RHOBTB2: variants seen among roughly 807,000 people sequenced by gnomAD.
RHOBTB2 encodes Rho related BTB domain containing 2, also known as rho-related BTB domain-containing protein 2.
In RHOBTB2, 39 loss-of-function variants were observed where a neutral mutation model predicts 66.5. That is an observed-to-expected ratio of 0.59 (90% CI 0.45 to 0.77). RHOBTB2 has a LOEUF of 0.77. Among genes scored for constraint, RHOBTB2 ranks in the 30% least tolerant of loss-of-function variants. RHOBTB2 has a pLI of 0.00. For missense variants in RHOBTB2, 755 were observed against 999.1 expected (o/e 0.76, Z 3.29); for synonymous variants, 390 against 395.0 (o/e 0.99, Z 0.15).
the RHOBTB2 span, among the ~76,000 whole-genome samples, chr8:22,953,239 T>C: frequency 2.0e-5 from 3 of 152,218 alleles, no homozygotes; most frequent in Non-Finnish European, 4.4e-5. Context: ...TTTTGCCCCA[T>C]GGTGCGCATG....
chr8:23,011,040 G>A (rs1468194047), intron 7 of RHOBTB2, among the ~76,000 whole-genome samples: 1 of 152,210 alleles, frequency 6.6e-6, no homozygotes, highest in Non-Finnish European at 1.5e-5. Context: ...GACCAGCCTA[G>A]CCAACATGGT....
upstream of RHOBTB2, chr8:22,995,835 C>T: frequency 6.4e-7 from 1 of 1,551,460 alleles, no homozygotes; most frequent in South Asian, 1.2e-5. Context: ...ATGGGGTGGG[C>T]TCCGCAGAGG....
upstream of RHOBTB2, chr8:22,994,712 T>G: frequency 8.1e-7 from 1 of 1,231,716 alleles, no homozygotes; most frequent in Non-Finnish European, 1.2e-6. Context: ...ATTAAGCAAC[T>G]CCCAAATTGT....
chr8:23,009,185 A>AGAGAG (rs1554504931), intron 6 of RHOBTB2, among the ~76,000 whole-genome samples: 1 of 143,110 alleles, frequency 7.0e-6, no homozygotes. Context: ...AGAGAGAGAG[A>AGAGAG]AAAGAAGGAA....
chr8:22,969,934 T>C, the RHOBTB2 span, among the ~76,000 whole-genome samples: 1 of 152,060 alleles, frequency 6.6e-6, no homozygotes, highest in Non-Finnish European at 1.5e-5. Context: ...CTATTTTTTG[T>C]AGAGATGGGG....
chr8:22,966,685 A>G, the RHOBTB2 span, among the ~76,000 whole-genome samples: 1 of 152,204 alleles, frequency 6.6e-6, no homozygotes, highest in African/African-American at 2.4e-5. Flanking sequence ...ATTAATCATT[A>G]AGGAAATGCA....
At chr8:23,008,573 G>A (rs187070379) in intron 6 of RHOBTB2, among the ~76,000 whole-genome samples, 1 of 152,178 alleles carries the variant, frequency 6.6e-6, no homozygotes, top group Admixed American at 6.5e-5. Context: ...TTATTATTGA[G>A]GTGTAGAGAG....
chr8:22,971,200 TA>T, the RHOBTB2 span, among the ~76,000 whole-genome samples: 1 of 147,602 alleles, frequency 6.8e-6, no homozygotes, highest in Non-Finnish European at 1.5e-5. Flanking sequence ...TATTTTTTTT[TA>T]AGAGACAAGA....
chr8:22,955,099 C>A, the RHOBTB2 span, among the ~76,000 whole-genome samples: 2 of 152,256 alleles, frequency 1.3e-5, no homozygotes, highest in South Asian at 4.2e-4. Context: ...CCACTGCACT[C>A]CAGCCTGGGT....
intron 7 of RHOBTB2, among the ~76,000 whole-genome samples, chr8:23,012,200 G>A (rs1811168280): frequency 6.6e-6 from 1 of 152,206 alleles, no homozygotes; most frequent in African/African-American, 2.4e-5. Flanking sequence ...TATCTCCAGA[G>A]AAATGACCCA....
the RHOBTB2 span, among the ~76,000 whole-genome samples, chr8:22,957,688 C>T: frequency 6.6e-6 from 1 of 152,210 alleles, no homozygotes. Flanking sequence ...AAAATATCGC[C>T]AGGCCAACTC....
chr8:22,973,570 G>A, the RHOBTB2 span, among the ~76,000 whole-genome samples: 5 of 152,110 alleles, frequency 3.3e-5, no homozygotes, highest in Non-Finnish European at 4.4e-5. Flanking sequence ...AGACCCTGGA[G>A]GGCAAGCAGT....
At chr8:23,013,778 G>A (rs1352242146) in intron 7 of RHOBTB2, among the ~76,000 whole-genome samples, 2 of 152,228 alleles carry the variant, frequency 1.3e-5, no homozygotes, top group African/African-American at 2.4e-5. Flanking sequence ...GTATAGGCGT[G>A]AGCCACCGTG....
At chr8:22,979,460 A>G in the RHOBTB2 span, among the ~76,000 whole-genome samples, 50 of 152,174 alleles carry the variant, frequency 3.3e-4, no homozygotes, top group African/African-American at 1.2e-3. Context: ...TTTGTGTACA[A>G]TCATGTACTG....
chr8:22,982,732 A>T (rs1037705791), upstream of RHOBTB2, among the ~76,000 whole-genome samples: 1 of 152,232 alleles, frequency 6.6e-6, no homozygotes, highest in Non-Finnish European at 1.5e-5. Context: ...CTCACATACT[A>T]TCTTATTCCA....
At chr8:22,973,387 C>A in the RHOBTB2 span, among the ~76,000 whole-genome samples, 1 of 152,122 alleles carries the variant, frequency 6.6e-6, no homozygotes, top group Non-Finnish European at 1.5e-5. Flanking sequence ...TGCTGCCATA[C>A]AGGACTAATT....
At chr8:23,012,692 C>A (rs1241511770) in intron 7 of RHOBTB2, among the ~76,000 whole-genome samples, 1 of 152,304 alleles carries the variant, frequency 6.6e-6, no homozygotes, top group East Asian at 1.9e-4. Context: ...GATCATAGTT[C>A]ACTGCAGCCT....
intron 1 of RHOBTB2, among the ~76,000 whole-genome samples, chr8:23,002,884 G>T (rs1285113544): frequency 6.6e-6 from 1 of 152,164 alleles, no homozygotes; most frequent in African/African-American, 2.4e-5. Context: ...TGCTTAGGTT[G>T]CTGAGATGCA....
chr8:23,005,861 AG>A, intron 3 of RHOBTB2, 98 bp from the exon 4 acceptor site: 1 of 1,079,344 alleles, frequency 9.3e-7, no homozygotes, highest in South Asian at 1.5e-5. Flanking sequence ...TACCTAAGCC[AG>A]GTGTGGGACT....
Sources: gnomAD v4.1 joint callset for allele counts (sites outside exome capture counted in the v4.1 genomes callset) on GRCh38, gnomAD v4.1.1 for gene constraint, MANE v1.5 for transcripts, NCBI Gene and HGNC (gene_info 2026-07-23, HGNC 2026-07-21) for gene names.